Variants in SOX5 observed in about 807,000 individuals in gnomAD.
The protein encoded by SOX5 is SRY-box transcription factor 5.
SOX5 carries 9 observed loss-of-function variants against 92.0 expected under a neutral mutation model. The ratio of observed to expected loss-of-function variants is 0.10; its 90% CI spans 0.06 to 0.17. SOX5 has a LOEUF of 0.17. Among genes scored for constraint, SOX5 ranks in the 10% least tolerant of loss-of-function variants. The pLI is 1.00. For missense variants in SOX5, 642 were observed against 944.5 expected, an observed-to-expected ratio of 0.68 and a Z score of 4.20; for synonymous variants, 344 against 336.3, an observed-to-expected ratio of 1.02 and a Z score of -0.25.
At chr12:23,995,063 G>C (rs913480864) in intron 4 of SOX5, among the ~76,000 whole-genome samples, 1 of 152,280 alleles carries the variant, frequency 6.6e-6, no homozygotes, top group Non-Finnish European at 1.5e-5. Context: ...GAAGTCCCTG[G>C]TGCTTCTAAG....
intron 3 of SOX5, among the ~76,000 whole-genome samples, chr12:23,807,642 A>ATTTT (rs34889293): frequency 7.7e-5 from 11 of 142,138 alleles, no homozygotes; most frequent in East Asian, 2.1e-4. Flanking sequence ...CAGAAATTCC[A>ATTTT]TTTTTTTTTT....
intron 9 of SOX5, 87 bp downstream of exon 9, chr12:23,604,300 C>A: frequency 4.9e-6 from 7 of 1,436,354 alleles, no homozygotes; most frequent in Non-Finnish European, 5.8e-6. Context: ...TTTAAGCTAG[C>A]TGCTGGCATA....
intron 1 of SOX5, among the ~76,000 whole-genome samples, chr12:23,939,524 T>C (rs1243001974): frequency 2.0e-5 from 3 of 151,050 alleles, no homozygotes; most frequent in Non-Finnish European, 4.5e-5. Context: ...AGCAAATTCC[T>C]GTTATCTCAA....
At chr12:24,266,873 G>C (rs996428380) in intron 3 of SOX5, among the ~76,000 whole-genome samples, 1 of 152,056 alleles carries the variant, frequency 6.6e-6, no homozygotes, top group Non-Finnish European at 1.5e-5. Context: ...ATTTTTCTTT[G>C]GTGATTATCA....
intron 3 of SOX5, among the ~76,000 whole-genome samples, chr12:23,761,656 C>A (rs1407572494): frequency 2.8e-4 from 43 of 152,126 alleles, no homozygotes; most frequent in Non-Finnish European, 5.1e-4. Context: ...CAGTATATCA[C>A]ATACTACCAC....
At chr12:23,540,526 A>T (rs1282051950) in intron 13 of SOX5, among the ~76,000 whole-genome samples, 1 of 152,106 alleles carries the variant, frequency 6.6e-6, no homozygotes, top group African/African-American at 2.4e-5. Flanking sequence ...TTCCTTTCTA[A>T]ATCTGGCAAT....
At chr12:24,555,125 T>C (rs1377111488) in intron 1 of SOX5, among the ~76,000 whole-genome samples, 3 of 152,114 alleles carry the variant, frequency 2.0e-5, no homozygotes, top group African/African-American at 7.2e-5. Context: ...GCCACTTGAG[T>C]TCAGTGCTTT....
chr12:24,449,925 A>G (rs1429669433), intron 1 of SOX5, among the ~76,000 whole-genome samples: 2 of 152,136 alleles, frequency 1.3e-5, no homozygotes, highest in African/African-American at 2.4e-5. Flanking sequence ...GCCCCCACAC[A>G]TTATCTATGA....
chr12:23,852,456 T>A (rs952095572), intron 2 of SOX5, among the ~76,000 whole-genome samples: 7 of 152,154 alleles, frequency 4.6e-5, no homozygotes, highest in Admixed American at 2.6e-4. Flanking sequence ...TTTGGGACAG[T>A]GCAAACAGAA....
chr12:24,144,411 A>G (rs1269964689), intron 4 of SOX5, among the ~76,000 whole-genome samples: 1 of 152,218 alleles, frequency 6.6e-6, no homozygotes, highest in African/African-American at 2.4e-5. Context: ...AGCTTTTCTA[A>G]TTTATTTAAA....
intron 7 of SOX5, among the ~76,000 whole-genome samples, chr12:23,659,172 G>A (rs1430806048): frequency 2.0e-5 from 3 of 152,204 alleles, no homozygotes; most frequent in African/African-American, 7.2e-5. Context: ...TGCCAGACAC[G>A]TGAACTCTTT....
At chr12:24,400,693 G>GT (rs1961313347) in intron 1 of SOX5, among the ~76,000 whole-genome samples, 1 of 152,064 alleles carries the variant, frequency 6.6e-6, no homozygotes, top group African/African-American at 2.4e-5. Flanking sequence ...GCTGCCTCAG[G>GT]TAGACTCCCA....
chr12:23,714,146 T>C (rs2092306150), intron 6 of SOX5, among the ~76,000 whole-genome samples: 1 of 151,990 alleles, frequency 6.6e-6, no homozygotes, highest in African/African-American at 2.4e-5. Flanking sequence ...GTACATTTGC[T>C]CTTTCTTAAC....
At chr12:23,933,295 T>A (rs1941841869) in intron 1 of SOX5, among the ~76,000 whole-genome samples, 1 of 151,724 alleles carries the variant, frequency 6.6e-6, no homozygotes, top group Non-Finnish European at 1.5e-5. Flanking sequence ...GCCTCAATTA[T>A]CAGATGGAAA....
At chr12:23,700,370 G>A (rs1382109633) in intron 6 of SOX5, among the ~76,000 whole-genome samples, 1 of 152,058 alleles carries the variant, frequency 6.6e-6, no homozygotes. Context: ...CGTAGTCTGT[G>A]TTCTAGACCC....
At chr12:24,113,695 T>TGAAA (rs1947641678) in intron 4 of SOX5, among the ~76,000 whole-genome samples, 1 of 151,990 alleles carries the variant, frequency 6.6e-6, no homozygotes, top group Non-Finnish European at 1.5e-5. Flanking sequence ...TTCTGGACAA[T>TGAAA]GAAAGGGGCA....
At chr12:24,419,284 C>A (rs1026519872) in intron 1 of SOX5, among the ~76,000 whole-genome samples, 1 of 152,106 alleles carries the variant, frequency 6.6e-6, no homozygotes, top group Non-Finnish European at 1.5e-5. Flanking sequence ...ATTACAGGTG[C>A]ACACCACCAT....
chr12:24,186,840 T>C (rs1455787633), intron 4 of SOX5, among the ~76,000 whole-genome samples: 1 of 152,152 alleles, frequency 6.6e-6, no homozygotes, highest in Non-Finnish European at 1.5e-5. Context: ...AATTAGCATA[T>C]TTTAAAAATT....
At chr12:23,647,024 A>G (rs1321373208) in intron 7 of SOX5, among the ~76,000 whole-genome samples, 2 of 152,222 alleles carry the variant, frequency 1.3e-5, no homozygotes, top group Non-Finnish European at 2.9e-5. Context: ...TTCAATAATT[A>G]CTTTCTTTCC....
Sources: gnomAD v4.1 joint callset for allele counts (sites outside exome capture counted in the v4.1 genomes callset) on GRCh38, gnomAD v4.1.1 for gene constraint, MANE v1.5 for transcripts, NCBI Gene and HGNC (gene_info 2026-07-23, HGNC 2026-07-21) for gene names.